RORA: variants seen among roughly 807,000 people sequenced by gnomAD.
RORA encodes nuclear receptor ROR-alpha.
Under a neutral mutation model 69.5 loss-of-function variants are expected in RORA, and 7 were observed. The observed-to-expected ratio is 0.10, with a 90% CI of 0.06 to 0.19. The LOEUF is 0.19. RORA is among the 10% of genes least tolerant of loss of function. The probability of loss-of-function intolerance (pLI) is 1.00; values close to 1 mark genes in which losing one functional copy is unlikely to be tolerated. For synonymous variants in RORA, 261 were observed against 240.8 expected (o/e 1.08, Z -0.78); for missense variants, 457 against 663.0 (o/e 0.69, Z 3.41).
intron 1 of RORA, among the ~76,000 whole-genome samples, chr15:60,732,748 T>C (rs1377052512): frequency 6.6e-6 from 1 of 151,912 alleles, no homozygotes; most frequent in Non-Finnish European, 1.5e-5. Flanking sequence ...CAACCCTACA[T>C]ACCCTGACAC....
At chr15:60,863,475 T>G (rs11071563) in intron 1 of RORA, among the ~76,000 whole-genome samples, 1 of 152,176 alleles carries the variant, frequency 6.6e-6, no homozygotes, top group East Asian at 1.9e-4. Context: ...TTATATAGAA[T>G]GAACAGCACT....
At chr15:61,211,008 G>T (rs1311323266) in intron 1 of RORA, among the ~76,000 whole-genome samples, 1 of 152,218 alleles carries the variant, frequency 6.6e-6, no homozygotes, top group East Asian at 1.9e-4. Context: ...TAACCAGCTG[G>T]TTAGATTTCA....
intron 1 of RORA, among the ~76,000 whole-genome samples, chr15:61,038,617 T>C (rs1896583126): frequency 6.6e-6 from 1 of 152,184 alleles, no homozygotes; most frequent in African/African-American, 2.4e-5. Context: ...CACGAGAAAA[T>C]TGGCTCATCT....
Position 60,537,698 on chromosome 15 carries a change from G to A in RORA, c.197-5847C>T, listed in dbSNP as rs565046764. ...ATAGCTGCATCCTATGCAAACTAAC[G>A]ATGAACTTGTTTGGCCACTTGGTCT... On this transcript the variant is annotated intron_variant, in intron 2 of 10. Coordinates refer to ENST00000335670, the MANE Select transcript of RORA (RefSeq NM_134261.3). This position sits in a 1 kb window ranked among gnomAD's most constrained non-coding sequence, Gnocchi z 4.9. 9.2e-5 allele frequency among the ~76,000 whole-genome samples: 14 copies of A among 152,314 alleles called. No individual in the cohort carries two copies. The highest frequency in any genetic ancestry group is 3.3e-4 in the Admixed American group (5 of 15,310).
At chr15:61,199,763 T>C (rs1328889791) in intron 1 of RORA, among the ~76,000 whole-genome samples, 1 of 152,190 alleles carries the variant, frequency 6.6e-6, no homozygotes, top group African/African-American at 2.4e-5. Context: ...ACAAGGATTA[T>C]CAAAACTGCT....
intron 1 of RORA, among the ~76,000 whole-genome samples, chr15:61,040,113 G>GAGATATATAT (rs1491216025): frequency 2.2e-4 from 10 of 46,308 alleles, no homozygotes; most frequent in African/African-American, 4.8e-4. Flanking sequence ...CACAAGCTTT[G>GAGATATATAT]ATATATATAT....
intron 2 of RORA, among the ~76,000 whole-genome samples, chr15:60,647,721 G>C (rs932765297): frequency 2.6e-5 from 4 of 152,228 alleles, no homozygotes; most frequent in African/African-American, 9.6e-5. Flanking sequence ...TTATACTCAG[G>C]AGATACTGAA....
At chr15:61,094,451 A>G (rs1595979473) in intron 1 of RORA, among the ~76,000 whole-genome samples, 1 of 152,126 alleles carries the variant, frequency 6.6e-6, no homozygotes, top group Non-Finnish European at 1.5e-5. Flanking sequence ...TTTAAGAGAC[A>G]CCAGTACAGA....
At chr15:61,113,551 T>C (rs940683657) in intron 1 of RORA, among the ~76,000 whole-genome samples, 1 of 152,210 alleles carries the variant, frequency 6.6e-6, no homozygotes, top group African/African-American at 2.4e-5. Context: ...GCTGGAATGA[T>C]ACAGCTCTTC....
intron 1 of RORA, among the ~76,000 whole-genome samples, chr15:60,726,495 C>T (rs1253670633): frequency 6.6e-6 from 1 of 152,216 alleles, no homozygotes; most frequent in Non-Finnish European, 1.5e-5. Flanking sequence ...GGTTGTATTA[C>T]CCAGGCTCCA....
At chr15:60,798,049 G>C (rs1005859187) in intron 1 of RORA, among the ~76,000 whole-genome samples, 6 of 152,026 alleles carry the variant, frequency 3.9e-5, no homozygotes, top group Non-Finnish European at 7.4e-5. Context: ...CTGATCCATT[G>C]AGCTTGAACT....
chr15:60,947,195 C>T (rs1354024404), intron 1 of RORA, among the ~76,000 whole-genome samples: 1 of 152,204 alleles, frequency 6.6e-6, no homozygotes, highest in African/African-American at 2.4e-5. Context: ...GGGAGGTGTA[C>T]CCAACAGCTC....
chr15:60,943,341 G>C (rs1051429563), intron 1 of RORA, among the ~76,000 whole-genome samples: 1 of 151,698 alleles, frequency 6.6e-6, no homozygotes, highest in African/African-American at 2.4e-5. Context: ...GTTAGCTTAG[G>C]AACGTCAATT....
At chr15:60,794,644 G>C (rs2072465733) in intron 1 of RORA, among the ~76,000 whole-genome samples, 1 of 152,226 alleles carries the variant, frequency 6.6e-6, no homozygotes, top group Non-Finnish European at 1.5e-5. Flanking sequence ...GCTGCCTGCA[G>C]GTTTCCGACA....
At chr15:61,063,197 T>C (rs1191036525) in intron 1 of RORA, among the ~76,000 whole-genome samples, 2 of 152,192 alleles carry the variant, frequency 1.3e-5, no homozygotes, top group African/African-American at 4.8e-5. Flanking sequence ...ATCTGAACCC[T>C]TCACGGCGTG....
chr15:60,592,848 G>A lies in RORA; in HGVS notation c.197-60997C>T, dbSNP rs190408607. ...GCTTTTCTGCACGCAGCGCCCCGCG[G>A]AACGCGCCTCTGACCACTTTCTGCC... is the stretch of plus-strand genomic sequence containing the variant. On this transcript the variant is annotated intron_variant, in intron 2 of 10. Coordinates refer to ENST00000335670, the MANE Select transcript of RORA (RefSeq NM_134261.3). 3.5e-3 allele frequency: 1,679 copies of A among 486,356 alleles called. 5 individuals carry two copies. The highest frequency in any genetic ancestry group is 7.9e-3 in the Middle Eastern group (24 of 3,048). 30.1% of individuals were successfully genotyped at this position (486,356 alleles called of 1,614,324 possible). A position where few individuals can be genotyped will look rare whatever the true frequency, so the allele number is the denominator to read the frequency against.
intron 1 of RORA, among the ~76,000 whole-genome samples, chr15:61,154,965 C>T (rs1356225853): frequency 1.3e-5 from 2 of 152,116 alleles, no homozygotes; most frequent in Non-Finnish European, 2.9e-5. Context: ...ATCACGTTCC[C>T]GGATCCAGAT....
chr15:61,022,397 G>A (rs4774381), intron 1 of RORA, among the ~76,000 whole-genome samples: 100,898 of 152,010 alleles, frequency 0.66, 36,232 homozygotes, highest in Non-Finnish European at 0.81. Context: ...CTAAGGTACC[G>A]CAGGAAGATA....
At chr15:60,932,605 T>A (rs1443093397) in intron 1 of RORA, among the ~76,000 whole-genome samples, 1 of 152,184 alleles carries the variant, frequency 6.6e-6, no homozygotes, top group African/African-American at 2.4e-5. Context: ...GAATTGCGGC[T>A]CCTTCAGATC....
Sources: allele counts gnomAD v4.1 joint callset (sites outside exome capture counted in the v4.1 genomes callset), GRCh38; gene constraint gnomAD v4.1.1; non-coding constraint Gnocchi (gnomAD v3.1); transcripts MANE v1.5; gene names NCBI Gene and HGNC (gene_info 2026-07-23, HGNC 2026-07-21).